The following GRM5 variants were observed in gnomAD, a reference collection of about 807,000 sequenced individuals.
GRM5 encodes glutamate metabotropic receptor 5, also known as metabotropic glutamate receptor 5.
A neutral mutation model predicts 83.1 loss-of-function variants in GRM5; 19 were observed. The observed-to-expected ratio is 0.23, with a 90% CI of 0.16 to 0.34. GRM5 has a LOEUF of 0.34. Among genes scored for constraint, GRM5 ranks in the 10% least tolerant of loss-of-function variants. GRM5 has a pLI of 1.00. For synonymous variants in GRM5, 675 were observed against 633.6 expected, an observed-to-expected ratio of 1.07 and a Z score of -0.98; for missense variants, 1,160 against 1,588.3, an observed-to-expected ratio of 0.73 and a Z score of 4.58.
chr11:88,686,442 C>T (rs982475819), intron 3 of GRM5, among the ~76,000 whole-genome samples: 14 of 152,112 alleles, frequency 9.2e-5, no homozygotes, highest in Admixed American at 2.0e-4. Flanking sequence ...TGTGGACTTT[C>T]GGGTTAATGC....
chr11:88,859,160 A>G (rs1214106002), intron 2 of GRM5, among the ~76,000 whole-genome samples: 1 of 152,080 alleles, frequency 6.6e-6, no homozygotes, highest in Non-Finnish European at 1.5e-5. Flanking sequence ...ATAGTAGAAG[A>G]TATATAGGAG....
intron 3 of GRM5, among the ~76,000 whole-genome samples, chr11:88,769,331 CTT>C (rs1942683840): frequency 6.6e-6 from 1 of 152,000 alleles, no homozygotes; most frequent in Non-Finnish European, 1.5e-5. Flanking sequence ...TATTTATGGA[CTT>C]GTGTATATAC....
intron 5 of GRM5, among the ~76,000 whole-genome samples, chr11:88,599,671 C>A (rs1937920526): frequency 6.6e-6 from 1 of 152,106 alleles, no homozygotes; most frequent in South Asian, 2.1e-4. Context: ...TGGCTTCTTG[C>A]AATCTTTAGC....
chr11:89,058,713 G>A (rs1312307569), intron 1 of GRM5, among the ~76,000 whole-genome samples: 2 of 152,098 alleles, frequency 1.3e-5, no homozygotes, highest in Non-Finnish European at 2.9e-5. Flanking sequence ...TAAGAGTCAA[G>A]GTTGATATTA....
chr11:88,823,526 CAAAAAAAA>C (rs71265011), intron 3 of GRM5, among the ~76,000 whole-genome samples: 3 of 144,270 alleles, frequency 2.1e-5, no homozygotes, highest in Non-Finnish European at 4.6e-5. Flanking sequence ...TAGGGGATTT[CAAAAAAAA>C]AAAGACTAGA....
chr11:88,524,406 C>A (rs759692096), intron 9 of GRM5, among the ~76,000 whole-genome samples: 3 of 151,802 alleles, frequency 2.0e-5, no homozygotes, highest in Admixed American at 6.6e-5. Flanking sequence ...TTAGTAGAGA[C>A]GGGGTTTCAC....
intron 3 of GRM5, among the ~76,000 whole-genome samples, chr11:88,655,198 A>T (rs1939735973): frequency 1.3e-5 from 2 of 152,150 alleles, no homozygotes; most frequent in Non-Finnish European, 1.5e-5. Flanking sequence ...TTCACACATT[A>T]TCTTCCCTCA....
At chr11:88,772,757 T>A (rs1031891245) in intron 3 of GRM5, among the ~76,000 whole-genome samples, 1 of 152,188 alleles carries the variant, frequency 6.6e-6, no homozygotes, top group African/African-American at 2.4e-5. Context: ...GCTTCATCCA[T>A]GTCCCTACAA....
chr11:88,667,851 C>T (rs1324096880), intron 3 of GRM5, among the ~76,000 whole-genome samples: 2 of 151,466 alleles, frequency 1.3e-5, no homozygotes, highest in East Asian at 1.9e-4. Flanking sequence ...CGAGATTGAG[C>T]TACTGCACTC....
intron 1 of GRM5, among the ~76,000 whole-genome samples, chr11:89,055,008 C>T (rs1338279658): frequency 6.6e-6 from 1 of 152,138 alleles, no homozygotes; most frequent in Non-Finnish European, 1.5e-5. Flanking sequence ...TTCTAAATTT[C>T]TGCAACTTTC....
chr11:88,932,499 A>G (rs942089448), intron 2 of GRM5, among the ~76,000 whole-genome samples: 5 of 151,934 alleles, frequency 3.3e-5, no homozygotes, highest in African/African-American at 1.2e-4. Context: ...CCTCATATAT[A>G]GTGAGCACTT....
rs1180757936 is a variant in GRM5 at position 88,506,224 on chromosome 11, G to A, written c.*2368C>T. The A allele has an allele frequency of 1.3e-5, 2 of 152,064 alleles. No homozygotes were observed. Among genetic ancestry groups the A allele is most frequent in the Admixed American group, 6.5e-5 (1 of 15,274 alleles). The allele number at this position is 152,064 out of a possible 1,614,324, so 9.4% of individuals were successfully genotyped here. On this transcript the variant is annotated 3_prime_UTR_variant, in exon 10 of 10. Transcript: ENST00000305447. ...TTATAAGGTAGTGTGCTTTTTAAGA[G>A]ATATGTTACTAAAAAAATAGAAAAT...
intron 3 of GRM5, among the ~76,000 whole-genome samples, chr11:88,721,952 G>A (rs558039047): frequency 6.0e-4 from 91 of 152,238 alleles, no homozygotes; most frequent in African/African-American, 2.1e-3. Context: ...AAAACAGACT[G>A]GGGATGTAAG....
intron 3 of GRM5, among the ~76,000 whole-genome samples, chr11:88,795,786 C>T (rs1366816920): frequency 3.3e-5 from 5 of 152,100 alleles, no homozygotes; most frequent in African/African-American, 9.7e-5. Flanking sequence ...AACCATTTTG[C>T]CATATTGCTA....
intron 2 of GRM5, among the ~76,000 whole-genome samples, chr11:88,954,745 C>G (rs753191040): frequency 1.7e-4 from 26 of 152,142 alleles, no homozygotes; most frequent in South Asian, 4.2e-4. Flanking sequence ...CCCCTGTGTT[C>G]TGTCCTGTAA....
At chr11:88,774,953 G>A (rs1303305303) in intron 3 of GRM5, among the ~76,000 whole-genome samples, 2 of 152,176 alleles carry the variant, frequency 1.3e-5, no homozygotes, top group African/African-American at 4.8e-5. Flanking sequence ...GATGATGCTG[G>A]CCTCATAAAA....
chr11:88,958,158 C>T (rs192747097), intron 2 of GRM5, among the ~76,000 whole-genome samples: 7 of 151,710 alleles, frequency 4.6e-5, no homozygotes, highest in African/African-American at 1.7e-4. Flanking sequence ...CCTACAGCAC[C>T]CACACAGGTC....
Position 88,604,522 on chromosome 11 carries a change from T to C in GRM5, c.1394+196A>G, listed in dbSNP as rs374912210. Among the ~76,000 whole-genome samples, 13 of 152,336 alleles carry C rather than the reference T, an allele frequency of 8.5e-5. No individual in the cohort carries two copies. In the South Asian group the frequency reaches 2.7e-3, roughly 32 times the overall value. ...TGATTCGCAAAGCACATTTTGGACATCAGCACAAATGCTTTTTTCCTGGCC... is the reference window on the plus strand; with the variant it reads ...TGATTCGCAAAGCACATTTTGGACACCAGCACAAATGCTTTTTTCCTGGCC... On this transcript the variant is annotated intron_variant, in intron 5 of 9. Coordinates refer to ENST00000305447, the MANE Select transcript of GRM5 (RefSeq NM_001143831.3).
chr11:88,614,065 G>T (rs1002761541), intron 4 of GRM5, among the ~76,000 whole-genome samples: 3 of 152,128 alleles, frequency 2.0e-5, no homozygotes, highest in Admixed American at 2.0e-4. Flanking sequence ...GCCATGTTCT[G>T]CAACTCTGCC....
Sources: gnomAD v4.1 joint callset for allele counts (sites outside exome capture counted in the v4.1 genomes callset) on GRCh38, gnomAD v4.1.1 for gene constraint, MANE v1.5 for transcripts, NCBI Gene and HGNC (gene_info 2026-07-23, HGNC 2026-07-21) for gene names.